The following ZNF385D variants were observed in gnomAD, a reference collection of about 807,000 sequenced individuals.
ZNF385D encodes zinc finger protein 659.
ZNF385D carries 15 observed loss-of-function variants against 35.8 expected under a neutral mutation model. The ratio of observed to expected loss-of-function variants is 0.42; its 90% CI spans 0.28 to 0.64. ZNF385D has a LOEUF of 0.64. Among genes scored for constraint, ZNF385D ranks in the 30% least tolerant of loss-of-function variants. ZNF385D has a pLI of 0.23. For missense variants in ZNF385D, 474 were observed against 494.6 expected, an observed-to-expected ratio of 0.96 and a Z score of 0.39; for synonymous variants, 212 against 186.8, an observed-to-expected ratio of 1.13 and a Z score of -1.10.
intron 3 of ZNF385D, among the ~76,000 whole-genome samples, chr3:21,948,773 G>A (rs1042409084): frequency 8.6e-5 from 13 of 151,688 alleles, no homozygotes; most frequent in African/African-American, 3.1e-4. Context: ...GAAAAATATA[G>A]AACAAAAAAT....
At chr3:21,675,962 A>G (rs186212709) in intron 1 of ZNF385D, among the ~76,000 whole-genome samples, 1 of 152,206 alleles carries the variant, frequency 6.6e-6, no homozygotes, top group Admixed American at 6.6e-5. Context: ...AAGAACATTC[A>G]CTTGATTGTG....
At chr3:22,160,724 G>T (rs1705894250) in intron 3 of ZNF385D, among the ~76,000 whole-genome samples, 1 of 152,072 alleles carries the variant, frequency 6.6e-6, no homozygotes, top group Non-Finnish European at 1.5e-5. Context: ...TAGAATACTT[G>T]CAGATAAAGC....
chr3:21,999,079 T>G lies in ZNF385D; in HGVS notation c.325+169738A>C, dbSNP rs551025223. Among the ~76,000 whole-genome samples the G allele has an allele frequency of 1.5e-3, 234 of 152,332 alleles. 2 individuals carry two copies. Among genetic ancestry groups the G allele is most frequent in the Non-Finnish European group, 2.7e-3 (186 of 68,020 alleles). On this transcript the variant is annotated intron_variant, in intron 3 of 5. Transcript: ENST00000494108. ...TCCTGTCTGCTTTTACCAGACGTACTCATTCCATATTTGATTTTAGCCATG... is the reference window on the plus strand; with the variant it reads ...TCCTGTCTGCTTTTACCAGACGTACGCATTCCATATTTGATTTTAGCCATG...
intron 2 of ZNF385D, among the ~76,000 whole-genome samples, chr3:22,278,455 T>G (rs1315098157): frequency 6.6e-6 from 1 of 152,146 alleles, no homozygotes; most frequent in African/African-American, 2.4e-5. Context: ...AATTGTATTC[T>G]GCTCACTCTC....
intron 2 of ZNF385D, among the ~76,000 whole-genome samples, chr3:22,334,161 C>G (rs1695060882): frequency 6.6e-6 from 1 of 152,160 alleles, no homozygotes; most frequent in Non-Finnish European, 1.5e-5. Flanking sequence ...CTGTTATCCA[C>G]TGATATATTT....
rs111858166 is a variant in ZNF385D, at chr3:21,893,208, T to C, written c.326-228180A>G. 4.6e-5 allele frequency among the ~76,000 whole-genome samples: 7 copies of C among 152,252 alleles called. 1 individual carries two copies. Among genetic ancestry groups the C allele is most frequent in the African/African-American group, 1.2e-4 (5 of 41,544 alleles). On this transcript the variant is annotated intron_variant, in intron 3 of 5. Transcript: ENST00000494108. ...GAAGAGTATTGGTAGATTAGAAGCA[T>C]TGTAGACATAAGGCAGAACAAACTG...
intron 2 of ZNF385D, among the ~76,000 whole-genome samples, chr3:22,299,701 G>A (rs1007727068): frequency 2.0e-5 from 3 of 151,572 alleles, no homozygotes; most frequent in South Asian, 2.1e-4. Flanking sequence ...AAAAGAAAAC[G>A]ATCCCATTTA....
chr3:21,889,272 A>G (rs1575845377), intron 3 of ZNF385D, among the ~76,000 whole-genome samples: 1 of 152,158 alleles, frequency 6.6e-6, no homozygotes, highest in Non-Finnish European at 1.5e-5. Flanking sequence ...CAGCAGGCCT[A>G]GTATTGCCAT....
intron 2 of ZNF385D, among the ~76,000 whole-genome samples, chr3:22,210,779 G>T (rs1697468254): frequency 6.6e-6 from 1 of 151,758 alleles, no homozygotes; most frequent in Admixed American, 6.6e-5. Context: ...TATGGAACAA[G>T]AGCTTGTTCC....
chr3:21,942,203 G>C (rs1490654693), intron 3 of ZNF385D, among the ~76,000 whole-genome samples: 1 of 152,128 alleles, frequency 6.6e-6, no homozygotes, highest in East Asian at 1.9e-4. Flanking sequence ...AATTTTTAGA[G>C]AAATCATACC....
In ZNF385D at chr3:22,175,098, G is replaced by A. The variant is rs534207739; in HGVS notation, c.107-6063C>T. Among the ~76,000 whole-genome samples, 9 of 151,134 alleles carry A rather than the reference G, an allele frequency of 6.0e-5. No homozygotes were observed. The East Asian group carries it at 1.6e-3, about 26-fold the overall frequency. On this transcript the variant is annotated intron_variant, in intron 2 of 5. Coordinates refer to the ZNF385D transcript ENST00000494108. ...TCAGTCTAGTCCATTTCACAGAAGG[G>A]GAGTTGTAATTTGTATGATATATAC... is the stretch of plus-strand genomic sequence containing the variant.
At chr3:21,979,253 G>A (rs570392343) in intron 3 of ZNF385D, among the ~76,000 whole-genome samples, 1 of 151,952 alleles carries the variant, frequency 6.6e-6, no homozygotes, top group Non-Finnish European at 1.5e-5. Context: ...CCAAACAGAA[G>A]GGGGAAAAAA....
At chr3:21,742,916 GTA>G (rs925335101) in intron 1 of ZNF385D, among the ~76,000 whole-genome samples, 1 of 152,124 alleles carries the variant, frequency 6.6e-6, no homozygotes, top group African/African-American at 2.4e-5. Flanking sequence ...TCATACATTT[GTA>G]TATGAGTTGG....
chr3:21,817,765 G>A (rs1290252024), intron 3 of ZNF385D, among the ~76,000 whole-genome samples: 1 of 152,200 alleles, frequency 6.6e-6, no homozygotes, highest in Non-Finnish European at 1.5e-5. Flanking sequence ...AGGCAGTGTG[G>A]TGATTCCTCT....
At chr3:22,083,014 CAG>C (rs1372839679) in intron 3 of ZNF385D, among the ~76,000 whole-genome samples, 1 of 152,174 alleles carries the variant, frequency 6.6e-6, no homozygotes. Context: ...ACTTAACAAA[CAG>C]AAAGGAATAG....
chr3:21,987,992 G>A (rs968088536), intron 3 of ZNF385D, among the ~76,000 whole-genome samples: 2 of 146,214 alleles, frequency 1.4e-5, no homozygotes, highest in Non-Finnish European at 3.0e-5. Flanking sequence ...TCTTCACGTA[G>A]TTCTCGAGCC....
chr3:22,310,218 T>C (rs1373280212), intron 2 of ZNF385D, among the ~76,000 whole-genome samples: 1 of 152,004 alleles, frequency 6.6e-6, no homozygotes, highest in Non-Finnish European at 1.5e-5. Context: ...GGCGTCATGA[T>C]TACTATTACG....
chr3:21,977,036 T>G (rs1703672488), intron 3 of ZNF385D, among the ~76,000 whole-genome samples: 1 of 152,176 alleles, frequency 6.6e-6, no homozygotes, highest in Admixed American at 6.5e-5. Context: ...ATAACAACAT[T>G]GATGAATCAA....
chr3:21,964,443 A>AAAAAG (rs1702778622), intron 3 of ZNF385D, among the ~76,000 whole-genome samples: 1 of 146,146 alleles, frequency 6.8e-6, no homozygotes, highest in Non-Finnish European at 1.5e-5. Flanking sequence ...GAAAAAAAAA[A>AAAAAG]AAAGAAAAAG....
Sources: allele counts gnomAD v4.1 joint callset (sites outside exome capture counted in the v4.1 genomes callset), GRCh38; gene constraint gnomAD v4.1.1; transcripts MANE v1.5; gene names NCBI Gene and HGNC (gene_info 2026-07-23, HGNC 2026-07-21).